The following ZNF514 variants were observed in gnomAD, a reference collection of about 807,000 sequenced individuals.
ZNF514 encodes the protein zinc finger protein 514.
Under a neutral mutation model 9.7 loss-of-function variants are expected in ZNF514, and 12 were observed. The ratio of observed to expected loss-of-function variants is 1.24; its 90% CI spans 0.79 to 2.01. The LOEUF (loss-of-function observed/expected upper bound fraction) is 2.01, where lower values mean the gene tolerates loss of function less well. Among genes scored for constraint, ZNF514 ranks in the 30% most tolerant of loss-of-function variants. ZNF514 has a pLI of 0.00. For synonymous variants in ZNF514, 158 were observed against 163.7 expected, an observed-to-expected ratio of 0.97 and a Z score of 0.27; for missense variants, 467 against 465.5, an observed-to-expected ratio of 1.00 and a Z score of -0.03.
At chr2:95,135,427 T>C in the ZNF514 span, among the ~76,000 whole-genome samples, 3 of 151,194 alleles carry the variant, frequency 2.0e-5, no homozygotes, top group Non-Finnish European at 4.4e-5. Flanking sequence ...CTTTTTTTTT[T>C]TTTCTCTTTT....
the ZNF514 span, among the ~76,000 whole-genome samples, chr2:95,128,404 A>G: frequency 6.6e-6 from 1 of 151,656 alleles, no homozygotes; most frequent in Non-Finnish European, 1.5e-5. Context: ...AAAAAAAAAA[A>G]AAAACAGCTG....
At chr2:95,131,684 A>G in the ZNF514 span, among the ~76,000 whole-genome samples, 1 of 152,248 alleles carries the variant, frequency 6.6e-6, no homozygotes, top group Admixed American at 6.5e-5. Context: ...GGCCAAAGCA[A>G]TTCAGTGAGG....
intron 1 of ZNF514, among the ~76,000 whole-genome samples, chr2:95,158,400 T>C (rs1156867438): frequency 6.6e-6 from 1 of 152,154 alleles, no homozygotes; most frequent in East Asian, 1.9e-4. Flanking sequence ...CCCACCTGGT[T>C]AGAGATAGGA....
chr2:95,124,521 G>T, the ZNF514 span, among the ~76,000 whole-genome samples: 1 of 151,540 alleles, frequency 6.6e-6, no homozygotes, highest in Middle Eastern at 3.4e-3. Context: ...TTTTCCTTAA[G>T]ACAGAGTCTC....
the ZNF514 span, among the ~76,000 whole-genome samples, chr2:95,130,871 A>G: frequency 1.4e-4 from 22 of 152,234 alleles, no homozygotes; most frequent in African/African-American, 3.9e-4. Flanking sequence ...ATTAAAGTAA[A>G]GACAGGCATA....
rs1275846127 is a variant in ZNF514 at position 95,159,710 on chromosome 2, GCGT to G, written c.-569_-567del. ...CCGCGTCCGCCCCGCGCCAGCCCCC[GCGT>G]CCGCCCCGCGCCAGCCCCCGCGTCC... On this transcript the variant is annotated 5_prime_UTR_variant, in exon 1 of 5. Coordinates refer to ENST00000295208, the MANE Select transcript of ZNF514 (RefSeq NM_032788.3). 6.4e-5 allele frequency: 8 copies of G among 125,056 alleles called. No homozygotes were observed. Among genetic ancestry groups the G allele is most frequent in the African/African-American group, 2.5e-4 (8 of 32,358 alleles). The allele number at this position is 125,056 out of a possible 1,614,324, so 7.7% of individuals were successfully genotyped here. A position where few individuals can be genotyped will look rare whatever the true frequency, so the allele number is the denominator to read the frequency against.
chr2:95,156,822 C>T (rs1239536468), intron 2 of ZNF514, among the ~76,000 whole-genome samples: 1 of 152,086 alleles, frequency 6.6e-6, no homozygotes, highest in Non-Finnish European at 1.5e-5. Flanking sequence ...CCTCCCTTAT[C>T]CAGGGAGATA....
At chr2:95,130,199 T>C in the ZNF514 span, among the ~76,000 whole-genome samples, 1 of 152,100 alleles carries the variant, frequency 6.6e-6, no homozygotes, top group Admixed American at 6.5e-5. Flanking sequence ...CAAGTTTTTA[T>C]TAGGGATTTT....
chr2:95,158,897 C>G, intron 1 of ZNF514: 1 of 1,289,836 alleles, frequency 7.8e-7, no homozygotes, highest in Non-Finnish European at 1.0e-6. Context: ...CTGGGGTCCT[C>G]CTGATATCGG....
chr2:95,153,450 T>C (rs1656795852), intron 2 of ZNF514, 191 bp from the exon 3 acceptor site: 2 of 461,758 alleles, frequency 4.3e-6, no homozygotes, highest in African/African-American at 3.9e-5. Context: ...TGGAATCAAT[T>C]AGAATTAACA....
chr2:95,132,144 C>CAAA, the ZNF514 span, among the ~76,000 whole-genome samples: 41 of 16,592 alleles, frequency 2.5e-3, 4 homozygotes, highest in African/African-American at 6.8e-3. Context: ...GACTCTGTCT[C>CAAA]AAAAAAAAAA....
At chr2:95,123,382 T>A in the ZNF514 span, among the ~76,000 whole-genome samples, 1 of 152,352 alleles carries the variant, frequency 6.6e-6, no homozygotes, top group East Asian at 1.9e-4. Context: ...CATGAAAAAG[T>A]ATAGATCTAT....
chr2:95,134,371 C>T, the ZNF514 span, among the ~76,000 whole-genome samples: 2 of 152,138 alleles, frequency 1.3e-5, no homozygotes, highest in African/African-American at 4.8e-5. Context: ...GGACTCGCTA[C>T]CAATGCTCTG....
Position 95,149,442 on chromosome 2 carries a change from T to C in ZNF514, c.1043A>G (p.Lys348Arg). The C allele has an allele frequency of 6.2e-7, 1 of 1,613,930 alleles. No homozygotes were observed. Among genetic ancestry groups the C allele is most frequent in the Admixed American group, 1.7e-5 (1 of 59,998 alleles). Residue 348 changes from lysine to arginine, a missense_variant, in exon 5 of 5, where the codon AAA becomes AGA. Coordinates refer to ENST00000295208, the MANE Select transcript of ZNF514 (RefSeq NM_032788.3). ...ACTCTGGCTGAAGGCTCTCCCACATTTATTACATTTGTAAGGTTTCTCTCC... is the reference window on the plus strand; with the variant it reads ...ACTCTGGCTGAAGGCTCTCCCACATCTATTACATTTGTAAGGTTTCTCTCC... Reference protein sequence around the residue: ...HTGEKPYKCNKCGRAFSQSSS... With the variant: ...HTGEKPYKCNRCGRAFSQSSS...
the ZNF514 span, among the ~76,000 whole-genome samples, chr2:95,136,841 G>A: frequency 6.6e-6 from 1 of 152,174 alleles, no homozygotes; most frequent in Non-Finnish European, 1.5e-5. Context: ...TCCCCTATCT[G>A]AGGTAAAATC....
chr2:95,158,789 T>G, intron 1 of ZNF514: 1 of 1,239,668 alleles, frequency 8.1e-7, no homozygotes, highest in Non-Finnish European at 1.0e-6. Flanking sequence ...CCCAGGAGAC[T>G]GCGGCTTCAG....
the ZNF514 span, among the ~76,000 whole-genome samples, chr2:95,129,031 G>A: frequency 9.4e-4 from 143 of 152,150 alleles, no homozygotes; most frequent in Non-Finnish European, 1.4e-3. Context: ...AGTTTCCTCT[G>A]GTATAGGCCA....
chr2:95,135,950 G>A, the ZNF514 span, among the ~76,000 whole-genome samples: 6 of 151,878 alleles, frequency 4.0e-5, no homozygotes, highest in East Asian at 1.2e-3. Context: ...TGTAGTCCCA[G>A]CTACTCGGGA....
chr2:95,143,584 A>C (rs983878578), downstream of ZNF514, among the ~76,000 whole-genome samples: 5 of 152,218 alleles, frequency 3.3e-5, no homozygotes, highest in African/African-American at 1.2e-4. Flanking sequence ...GTGCCACTGC[A>C]CTCCAGCCTG....
Sources: gnomAD v4.1 joint callset for allele counts (sites outside exome capture counted in the v4.1 genomes callset) on GRCh38, gnomAD v4.1.1 for gene constraint, MANE v1.5 for transcripts, NCBI Gene and HGNC (gene_info 2026-07-23, HGNC 2026-07-21) for gene names.